CNTNAP2: variants seen among roughly 807,000 people sequenced by gnomAD.
CNTNAP2 encodes contactin-associated protein-like 2.
CNTNAP2 carries 98 observed loss-of-function variants against 155.2 expected under a neutral mutation model. That is an observed-to-expected ratio of 0.63 (90% CI 0.54 to 0.75). CNTNAP2 has a LOEUF of 0.75. Ranked by LOEUF, CNTNAP2 falls within the 30% of genes least tolerant of loss-of-function variation. The pLI is 0.00. For missense variants in CNTNAP2, 1,727 were observed against 1,688.1 expected (o/e 1.02, Z -0.40); for synonymous variants, 651 against 631.2 (o/e 1.03, Z -0.47).
At chr7:148,328,233 A>G (rs1797924797) in intron 21 of CNTNAP2, among the ~76,000 whole-genome samples, 1 of 152,064 alleles carries the variant, frequency 6.6e-6, no homozygotes, top group Non-Finnish European at 1.5e-5. Flanking sequence ...GAGAGAGGGG[A>G]AGGCTGGGGT....
chr7:147,908,445 C>G (rs1323982096), intron 14 of CNTNAP2, among the ~76,000 whole-genome samples: 1 of 152,186 alleles, frequency 6.6e-6, no homozygotes, highest in Non-Finnish European at 1.5e-5. Flanking sequence ...ACCAGGCAGT[C>G]TGGGCATAGG....
intron 8 of CNTNAP2, among the ~76,000 whole-genome samples, chr7:147,213,348 A>T (rs1803198591): frequency 6.6e-6 from 1 of 152,136 alleles, no homozygotes; most frequent in Non-Finnish European, 1.5e-5. Context: ...TTGCTGATTC[A>T]AATAATAATC....
chr7:147,468,973 C>T (rs1483611605), intron 10 of CNTNAP2, among the ~76,000 whole-genome samples: 1 of 151,900 alleles, frequency 6.6e-6, no homozygotes, highest in African/African-American at 2.4e-5. Flanking sequence ...CCCAAGTGCG[C>T]CATCACGCCA....
chr7:146,617,032 T>G (rs1465542481), intron 1 of CNTNAP2, among the ~76,000 whole-genome samples: 1 of 152,108 alleles, frequency 6.6e-6, no homozygotes, highest in Admixed American at 6.5e-5. Context: ...TTTGTTTGTT[T>G]GTTTTGAGAC....
chr7:148,320,706 ACTATTCCACC>A (rs1256282118), intron 21 of CNTNAP2, among the ~76,000 whole-genome samples: 1 of 152,092 alleles, frequency 6.6e-6, no homozygotes, highest in East Asian at 1.9e-4. Context: ...TTAGGTTCCC[ACTATTCCACC>A]CCACCTGTGC....
chr7:146,182,452 A>T (rs940151170), intron 1 of CNTNAP2, among the ~76,000 whole-genome samples: 5 of 152,098 alleles, frequency 3.3e-5, no homozygotes, highest in Admixed American at 3.3e-4. Flanking sequence ...GCAGAGAACC[A>T]TTTCCTTTCT....
chr7:147,730,184 T>C (rs1651859317), intron 13 of CNTNAP2, among the ~76,000 whole-genome samples: 3 of 152,086 alleles, frequency 2.0e-5, no homozygotes, highest in Non-Finnish European at 4.4e-5. Context: ...TGGGCTTATG[T>C]CAAATGTTCC....
At chr7:147,626,393 AC>A (rs199723178) in intron 12 of CNTNAP2, among the ~76,000 whole-genome samples, 3,079 of 152,098 alleles carry the variant, frequency 0.02, 112 homozygotes, top group African/African-American at 0.07. Flanking sequence ...TCTCTGGTGA[AC>A]TATATGACAC....
At chr7:146,489,837 C>T (rs1033241615) in intron 1 of CNTNAP2, among the ~76,000 whole-genome samples, 5 of 151,768 alleles carry the variant, frequency 3.3e-5, no homozygotes, top group Admixed American at 3.3e-4. Context: ...CTCAGTGTGG[C>T]TGAGTTCAGG....
chr7:147,201,968 A>G (rs914834541), intron 8 of CNTNAP2, among the ~76,000 whole-genome samples: 1 of 152,204 alleles, frequency 6.6e-6, no homozygotes, highest in South Asian at 2.1e-4. Flanking sequence ...ACTTGAGCTT[A>G]CACAATAGAA....
Position 146,689,453 on chromosome 7 carries a change from G to T in CNTNAP2, c.98-84818G>T, listed in dbSNP as rs912001508. On this transcript the variant is annotated intron_variant, in intron 1 of 23. Transcript: ENST00000361727. ...AAAACAAAGGAAAAAAAAAATTGAG[G>T]AAGTGGAAAATACAAAGGAATTTTC... is the stretch of plus-strand genomic sequence containing the variant. 2.3e-4 allele frequency among the ~76,000 whole-genome samples: 35 copies of T among 152,130 alleles called. No individual in the cohort carries two copies. The South Asian group carries it at 2.7e-3, about 12-fold the overall frequency.
chr7:148,409,243 A>T (rs2116714192), intron 22 of CNTNAP2, 148 bp from the exon 23 acceptor site: 1 of 685,450 alleles, frequency 1.5e-6, no homozygotes, highest in Non-Finnish European at 2.6e-6. Context: ...TTCTTGTGGG[A>T]GACAATGGCA....
intron 8 of CNTNAP2, among the ~76,000 whole-genome samples, chr7:147,264,076 T>C (rs1258866881): frequency 6.6e-6 from 1 of 152,192 alleles, no homozygotes; most frequent in Non-Finnish European, 1.5e-5. Context: ...TTGACTGCTA[T>C]TTATATGACA....
chr7:148,141,249 G>GAA (rs1805066961), intron 16 of CNTNAP2, among the ~76,000 whole-genome samples: 1 of 152,230 alleles, frequency 6.6e-6, no homozygotes, highest in South Asian at 2.1e-4. Context: ...AGCAAAGGGA[G>GAA]AAAATTCTGC....
chr7:146,146,646 A>G (rs1797961955), intron 1 of CNTNAP2, among the ~76,000 whole-genome samples: 1 of 152,150 alleles, frequency 6.6e-6, no homozygotes, highest in African/African-American at 2.4e-5. Context: ...TTGACATAAT[A>G]TTTATAAAGT....
chr7:146,198,015 A>C (rs113937590), intron 1 of CNTNAP2, among the ~76,000 whole-genome samples: 8 of 152,238 alleles, frequency 5.3e-5, no homozygotes, highest in African/African-American at 1.9e-4. Context: ...CCAGGCACTT[A>C]TCAAACAACC....
intron 1 of CNTNAP2, among the ~76,000 whole-genome samples, chr7:146,501,982 A>G (rs1584953649): frequency 6.6e-6 from 1 of 151,078 alleles, no homozygotes; most frequent in African/African-American, 2.4e-5. Context: ...CCATTAACCA[A>G]CCTCTCTTTA....
At chr7:146,201,445 C>G (rs1339175070) in intron 1 of CNTNAP2, among the ~76,000 whole-genome samples, 1 of 152,104 alleles carries the variant, frequency 6.6e-6, no homozygotes, top group South Asian at 2.1e-4. Flanking sequence ...TTGCCAATCC[C>G]TCTGCTGGAT....
intron 1 of CNTNAP2, among the ~76,000 whole-genome samples, chr7:146,319,543 C>A (rs1156470199): frequency 1.3e-5 from 2 of 152,120 alleles, no homozygotes; most frequent in Non-Finnish European, 2.9e-5. Flanking sequence ...CTTCTTATAG[C>A]AAATGTGTTA....
Sources: allele counts gnomAD v4.1 joint callset (sites outside exome capture counted in the v4.1 genomes callset), GRCh38; gene constraint gnomAD v4.1.1; transcripts MANE v1.5; gene names NCBI Gene and HGNC (gene_info 2026-07-23, HGNC 2026-07-21).